Variants in MYO3B observed in about 807,000 individuals in gnomAD.
MYO3B encodes myosin-IIIb.
In MYO3B, 156 loss-of-function variants were observed where a neutral mutation model predicts 174.6. The observed-to-expected ratio is 0.89, with a 90% CI of 0.78 to 1.02. The LOEUF (loss-of-function observed/expected upper bound fraction) is 1.02. Among genes scored for constraint, MYO3B ranks in the 50% least tolerant of loss-of-function variants. The probability of loss-of-function intolerance (pLI) is 0.00; values close to 1 mark genes in which losing one functional copy is unlikely to be tolerated. For missense variants in MYO3B, 1,632 were observed against 1,639.4 expected, an observed-to-expected ratio of 1.00 and a Z score of 0.08; for synonymous variants, 563 against 569.1, an observed-to-expected ratio of 0.99 and a Z score of 0.15.
intron 15 of MYO3B, among the ~76,000 whole-genome samples, chr2:170,392,020 G>A (rs1489291486): frequency 6.6e-6 from 1 of 151,446 alleles, no homozygotes; most frequent in Non-Finnish European, 1.5e-5. Flanking sequence ...CTACTCGGGA[G>A]GCTGAGGTGG....
Position 170,493,741 on chromosome 2 carries a change from C to G in MYO3B, c.3015-4851C>G, listed in dbSNP as rs116768057. Among the ~76,000 whole-genome samples, 1,520 of 152,258 alleles carry G rather than the reference C, an allele frequency of 1.0e-2. 14 individuals carry two copies. Among genetic ancestry groups the G allele is most frequent in the African/African-American group, 0.032 (1,329 of 41,538 alleles). ...CTTCTCTTTCTCTCCCTCTCTGCCC[C>G]CAACCCCAACCCCAACCCCAAGACG... On this transcript the variant is annotated intron_variant, in intron 25 of 34. Coordinates refer to ENST00000408978, the MANE Select transcript of MYO3B (RefSeq NM_138995.5).
At chr2:170,485,449 T>C (rs952031949) in intron 25 of MYO3B, among the ~76,000 whole-genome samples, 9 of 104,014 alleles carry the variant, frequency 8.7e-5, no homozygotes, top group East Asian at 5.9e-4. Context: ...AGAGAGCGAG[T>C]GAGTTAGAGG....
intron 22 of MYO3B, among the ~76,000 whole-genome samples, chr2:170,415,615 C>T (rs938176225): frequency 6.6e-6 from 1 of 152,158 alleles, no homozygotes; most frequent in South Asian, 2.1e-4. Flanking sequence ...GCCAAATCGA[C>T]GCATCCACCC....
chr2:170,499,797 C>T lies in MYO3B; in HGVS notation c.3278C>T (p.Ala1093Val). ...GAGAAGAGAGAGAAGGGAGCCATTG[C>T]CATCCAGTCAGGTAAATGGTCCTGT... ...VREKREKGAI[A>V]IQSAWRGYDA... The change falls in exon 27 of 35, where the codon GCC (alanine) becomes GTC (valine). Residue 1093 changes from alanine to valine, a missense_variant. Ala to Val is a moderately conservative substitution (Grantham distance 64). Coordinates refer to ENST00000408978, the MANE Select transcript of MYO3B (RefSeq NM_138995.5). 6.2e-7 allele frequency: 1 copy of T among 1,613,706 alleles called. No individual in the cohort carries two copies. The highest frequency in any genetic ancestry group is 8.5e-7 in the Non-Finnish European group (1 of 1,179,768).
At chr2:170,196,589 C>G (rs1368023913) in intron 1 of MYO3B, among the ~76,000 whole-genome samples, 1 of 152,166 alleles carries the variant, frequency 6.6e-6, no homozygotes, top group Non-Finnish European at 1.5e-5. Context: ...AGTGAATGAA[C>G]CTAGACTCAT....
At chr2:170,263,483 C>T (rs1018550052) in intron 7 of MYO3B, among the ~76,000 whole-genome samples, 54 of 152,020 alleles carry the variant, frequency 3.6e-4, no homozygotes, top group African/African-American at 1.3e-3. Context: ...TCTACCATCT[C>T]GGAGAGGGGG....
At chr2:170,393,547 C>T (rs1012010582) in intron 16 of MYO3B, among the ~76,000 whole-genome samples, 4 of 152,074 alleles carry the variant, frequency 2.6e-5, no homozygotes, top group African/African-American at 9.7e-5. Context: ...TATATAGATT[C>T]TTTTGCTTTT....
chr2:170,617,544 T>A (rs1331677762), intron 32 of MYO3B, among the ~76,000 whole-genome samples: 1 of 152,238 alleles, frequency 6.6e-6, no homozygotes, highest in Non-Finnish European at 1.5e-5. Flanking sequence ...GATTTACTTA[T>A]AACACTTTCT....
intron 32 of MYO3B, among the ~76,000 whole-genome samples, chr2:170,607,278 A>C (rs1431785115): frequency 6.6e-6 from 1 of 152,230 alleles, no homozygotes; most frequent in East Asian, 1.9e-4. Flanking sequence ...GATAGATTAG[A>C]TTATGATGCA....
intron 32 of MYO3B, among the ~76,000 whole-genome samples, chr2:170,625,176 G>A (rs909393494): frequency 6.6e-6 from 1 of 152,166 alleles, no homozygotes. Context: ...GTAGAATTTG[G>A]CTGTGAATCC....
intron 32 of MYO3B, among the ~76,000 whole-genome samples, chr2:170,628,324 G>A (rs571953393): frequency 9.1e-4 from 138 of 152,306 alleles, no homozygotes; most frequent in Non-Finnish European, 1.6e-3. Flanking sequence ...GCGAGGCTCC[G>A]TGGGCATGGG....
At chr2:170,258,461 C>T (rs1011919701) in intron 7 of MYO3B, among the ~76,000 whole-genome samples, 1 of 152,038 alleles carries the variant, frequency 6.6e-6, no homozygotes, top group Non-Finnish European at 1.5e-5. Context: ...AAGAAAAAAT[C>T]ATATGATCAT....
rs145225207 is a variant in MYO3B, at chr2:170,343,004, CACTT to C, written c.815+7559_815+7562del. ...CTGTCTCTTTATTTAGACTTCAGCT[CACTT>C]ACTTCCACAGTTCGGGCCTCTAACA... On this transcript the variant is annotated intron_variant, in intron 8 of 34. Transcript: ENST00000408978. 5.3e-5 allele frequency among the ~76,000 whole-genome samples: 8 copies of C among 151,056 alleles called. No homozygotes were observed. The East Asian group carries it at 1.6e-3, about 29-fold the overall frequency.
chr2:170,451,893 A>AT (rs1373719238), intron 23 of MYO3B, among the ~76,000 whole-genome samples: 1 of 152,190 alleles, frequency 6.6e-6, no homozygotes, highest in Non-Finnish European at 1.5e-5. Flanking sequence ...CACATCCTGG[A>AT]TCCCCAAAAA....
chr2:170,216,475 A>G (rs893002676), intron 5 of MYO3B, among the ~76,000 whole-genome samples: 1 of 152,232 alleles, frequency 6.6e-6, no homozygotes, highest in Non-Finnish European at 1.5e-5. Context: ...AGTAAAAAGC[A>G]TAATTGGGAT....
At chr2:170,480,644 G>A (rs933898283) in intron 25 of MYO3B, among the ~76,000 whole-genome samples, 3 of 152,312 alleles carry the variant, frequency 2.0e-5, no homozygotes, top group East Asian at 3.9e-4. Context: ...GTGGGGAGTG[G>A]TTAGTCTTGG....
chr2:170,316,028 C>CTGATTTAG (rs1270580819), intron 7 of MYO3B, among the ~76,000 whole-genome samples: 1 of 152,198 alleles, frequency 6.6e-6, no homozygotes, highest in Admixed American at 6.5e-5. Flanking sequence ...GATTCCAAAG[C>CTGATTTAG]TGATTTAGTG....
chr2:170,507,589 C>T (rs1288510609), intron 28 of MYO3B, among the ~76,000 whole-genome samples: 1 of 151,914 alleles, frequency 6.6e-6, no homozygotes, highest in Admixed American at 6.6e-5. Context: ...GATGGGGTTT[C>T]ACCACATTGG....
intron 32 of MYO3B, among the ~76,000 whole-genome samples, chr2:170,626,121 G>A (rs943001718): frequency 6.6e-6 from 1 of 152,140 alleles, no homozygotes; most frequent in Non-Finnish European, 1.5e-5. Flanking sequence ...TTAACTTTCT[G>A]TCTCGTTGAT....
Sources: gnomAD v4.1 joint callset for allele counts (sites outside exome capture counted in the v4.1 genomes callset) on GRCh38, gnomAD v4.1.1 for gene constraint, MANE v1.5 for transcripts, NCBI Gene and HGNC (gene_info 2026-07-23, HGNC 2026-07-21) for gene names.